RAB27B: variants seen among roughly 807,000 people sequenced by gnomAD.
The protein encoded by RAB27B is RAB27B, member RAS oncogene family, also known as ras-related protein Rab-27B.
In RAB27B, 15 loss-of-function variants were observed where a neutral mutation model predicts 24.6. The ratio of observed to expected loss-of-function variants is 0.61; its 90% CI spans 0.41 to 0.94. The LOEUF is 0.94. RAB27B is among the 40% of genes least tolerant of loss of function. The pLI is 0.00. For missense variants in RAB27B, 261 were observed against 266.8 expected (o/e 0.98, Z 0.15); for synonymous variants, 105 against 92.5 (o/e 1.14, Z -0.78).
chr18:54,719,755 A>C (rs1333965642), intron 2 of RAB27B, among the ~76,000 whole-genome samples: 2 of 151,980 alleles, frequency 1.3e-5, no homozygotes, highest in Non-Finnish European at 2.9e-5. Context: ...GTGTTATTAA[A>C]GTTTTCTCCT....
At position 54,884,445 on chromosome 18, in the gene RAB27B, G is replaced by T; in HGVS notation, c.343+9G>T. 1 of 1,582,054 alleles carries T rather than the reference G, an allele frequency of 6.3e-7. No individual in the cohort carries two copies. Among genetic ancestry groups the T allele is most frequent in the South Asian group, 1.1e-5 (1 of 90,188 alleles). ...TGTCAGAAACTGGATGAGTAAGTGG[G>T]ACTGAGTAATGTGCATTGGCCGCTT... On this transcript the variant is annotated intron_variant, in intron 4 of 5. Transcript: ENST00000262094.
At chr18:54,824,466 C>A (rs1333267980), upstream of RAB27B, among the ~76,000 whole-genome samples, 1 of 152,150 alleles carries the variant, frequency 6.6e-6, no homozygotes, top group Non-Finnish European at 1.5e-5. Flanking sequence ...GCTGAGGTAG[C>A]CATGTCACAC....
At chr18:54,867,796 C>G (rs1288506515) in intron 1 of RAB27B, among the ~76,000 whole-genome samples, 1 of 152,032 alleles carries the variant, frequency 6.6e-6, no homozygotes, top group Non-Finnish European at 1.5e-5. Flanking sequence ...CCAGGGGCAG[C>G]AAAGAAAGAT....
chr18:54,770,839 T>A (rs1486618337), intron 2 of RAB27B, among the ~76,000 whole-genome samples: 1 of 152,212 alleles, frequency 6.6e-6, no homozygotes, highest in Non-Finnish European at 1.5e-5. Flanking sequence ...TTTCTGCAGG[T>A]CTTTTTATTC....
chr18:54,733,835 G>A (rs1255394270), intron 2 of RAB27B, among the ~76,000 whole-genome samples: 4 of 152,060 alleles, frequency 2.6e-5, no homozygotes, highest in African/African-American at 9.7e-5. Context: ...TGTAGATTTG[G>A]TTGCTACAGT....
intron 2 of RAB27B, among the ~76,000 whole-genome samples, chr18:54,781,066 C>T (rs1184118856): frequency 1.3e-5 from 2 of 152,174 alleles, no homozygotes; most frequent in Non-Finnish European, 2.9e-5. Flanking sequence ...AAGCTGGTTT[C>T]ACCTTAGCTG....
rs1256965174 is a variant in RAB27B, at chr18:54,889,995, C to T, written c.*582C>T. On this transcript the variant is annotated 3_prime_UTR_variant, in exon 6 of 6. Coordinates refer to ENST00000262094, the MANE Select transcript of RAB27B (RefSeq NM_004163.4). ...TAAGGTTACAAATAGGTAAATGTCACACTTCTGTTAAAATGCAGGAGGTAG... is the reference window on the plus strand; with the variant it reads ...TAAGGTTACAAATAGGTAAATGTCATACTTCTGTTAAAATGCAGGAGGTAG... The T allele has an allele frequency of 6.6e-6, 1 of 152,098 alleles. No individual in the cohort carries two copies. Among genetic ancestry groups the T allele is most frequent in the African/African-American group, 2.4e-5 (1 of 41,426 alleles). 9.4% of individuals were successfully genotyped at this position (152,098 alleles called of 1,614,324 possible). A position where few individuals can be genotyped will look rare whatever the true frequency, so the allele number is the denominator to read the frequency against.
At chr18:54,884,769 A>G (rs1237994384) in intron 4 of RAB27B, among the ~76,000 whole-genome samples, 2 of 152,194 alleles carry the variant, frequency 1.3e-5, no homozygotes, top group Non-Finnish European at 1.5e-5. Flanking sequence ...AGGACTTCTT[A>G]AAACTAAGTG....
intron 2 of RAB27B, among the ~76,000 whole-genome samples, chr18:54,757,050 A>G (rs573287719): frequency 6.6e-6 from 1 of 152,300 alleles, no homozygotes; most frequent in African/African-American, 2.4e-5. Context: ...ATGTTCAGAG[A>G]TCCATTAGGC....
intron 2 of RAB27B, among the ~76,000 whole-genome samples, chr18:54,811,891 T>G (rs1909974992): frequency 6.6e-6 from 1 of 152,324 alleles, no homozygotes; most frequent in South Asian, 2.1e-4. Context: ...TTTTCTTTCA[T>G]AAGACATTCA....
intron 2 of RAB27B, among the ~76,000 whole-genome samples, chr18:54,740,602 A>G (rs1364018603): frequency 6.6e-6 from 1 of 152,200 alleles, no homozygotes; most frequent in African/African-American, 2.4e-5. Flanking sequence ...CTCAAGTAGA[A>G]TCATGACCTA....
intron 2 of RAB27B, among the ~76,000 whole-genome samples, chr18:54,733,300 T>C (rs1909783731): frequency 1.3e-5 from 2 of 152,134 alleles, no homozygotes; most frequent in Non-Finnish European, 2.9e-5. Context: ...CTCCTGCCTC[T>C]GCCTCTCAAA....
chr18:54,765,209 A>AT (rs1413163173), intron 2 of RAB27B, among the ~76,000 whole-genome samples: 3 of 152,070 alleles, frequency 2.0e-5, no homozygotes, highest in Non-Finnish European at 4.4e-5. Context: ...TTCAGTCTTT[A>AT]TTTTGCTCCT....
chr18:54,791,803 C>G (rs972564584), intron 2 of RAB27B, among the ~76,000 whole-genome samples: 4 of 152,190 alleles, frequency 2.6e-5, no homozygotes, highest in African/African-American at 7.2e-5. Flanking sequence ...GAGAGGACAT[C>G]TAGAGCGCAC....
intron 2 of RAB27B, among the ~76,000 whole-genome samples, chr18:54,814,076 A>ACAAT (rs1910049310): frequency 1.3e-5 from 2 of 152,196 alleles, no homozygotes; most frequent in Admixed American, 1.3e-4. Flanking sequence ...TCATTTAATT[A>ACAAT]AGCACTGTCT....
At chr18:54,726,484 C>T (rs930602300) in intron 2 of RAB27B, among the ~76,000 whole-genome samples, 5 of 151,524 alleles carry the variant, frequency 3.3e-5, no homozygotes, top group African/African-American at 1.2e-4. Context: ...ATCACACAGA[C>T]TCCATCACTG....
chr18:54,767,402 G>A (rs1285578632), intron 2 of RAB27B, among the ~76,000 whole-genome samples: 1 of 152,116 alleles, frequency 6.6e-6, no homozygotes, highest in Non-Finnish European at 1.5e-5. Flanking sequence ...ATCAGGTGAG[G>A]TAATGGTCAT....
intron 2 of RAB27B, among the ~76,000 whole-genome samples, chr18:54,805,159 A>G (rs1448639630): frequency 6.6e-6 from 1 of 151,936 alleles, no homozygotes; most frequent in African/African-American, 2.4e-5. Context: ...CTTTCCAGGG[A>G]CATGAGGCAC....
intron 5 of RAB27B, among the ~76,000 whole-genome samples, chr18:54,888,397 T>G (rs1403016787): frequency 1.3e-5 from 2 of 152,108 alleles, no homozygotes; most frequent in African/African-American, 4.8e-5. Flanking sequence ...TATATAAGAA[T>G]TGAGTCACAG....
Sources: allele counts gnomAD v4.1 joint callset (sites outside exome capture counted in the v4.1 genomes callset), GRCh38; gene constraint gnomAD v4.1.1; transcripts MANE v1.5; gene names NCBI Gene and HGNC (gene_info 2026-07-23, HGNC 2026-07-21).